DENND2A: variants seen among roughly 807,000 people sequenced by gnomAD.
DENND2A encodes the protein DENN domain-containing protein 2A.
In DENND2A, 53 loss-of-function variants were observed where a neutral mutation model predicts 105.3. The observed-to-expected ratio is 0.50, with a 90% CI of 0.40 to 0.63. The LOEUF (loss-of-function observed/expected upper bound fraction) is 0.63. DENND2A is among the 30% of genes least tolerant of loss of function. The pLI, the probability that DENND2A is intolerant of heterozygous loss-of-function variation, is 0.00. For synonymous variants in DENND2A, 522 were observed against 508.4 expected (o/e 1.03, Z -0.36); for missense variants, 1,138 against 1,279.6 (o/e 0.89, Z 1.69).
Position 140,568,909 on chromosome 7 carries a change from C to G in DENND2A, c.1541-96G>C, listed in dbSNP as rs1585654519. 3.9e-6 allele frequency: 5 copies of G among 1,279,692 alleles called. No individual in the cohort carries two copies. In the East Asian group the frequency reaches 1.2e-4, roughly 30 times the overall value. The allele number at this position is 1,279,692 out of a possible 1,614,324, so 79.3% of individuals were successfully genotyped here. ...GTAGCACAGATCAAATGTTCTAATT[C>G]AGAGGGGATGTTGAGTTGCCTCTTT... is the stretch of plus-strand genomic sequence containing the variant. On this transcript the variant is annotated intron_variant, in intron 7 of 19. Transcript: ENST00000496613.
In DENND2A at chr7:140,587,700, C is replaced by A. The variant is rs1798842317; in HGVS notation, c.1076G>T (p.Gly359Val). Residue 359 changes from glycine (G) to valine (V), a missense_variant, in exon 4 of 20, where the codon GGG becomes GTG. This residue lies in a region of DENND2A where 511 missense variants were observed against 499.9 expected (regional missense o/e 1.02). Transcript: ENST00000496613. ...CTCCTCCGATAAAGTGCGTGTCAGC[C>A]CCAGCTTAGTCTGCGCGTACCAGTC... ...RVDWYAQTKLGLTRTLSEENV... is the reference protein window; with the variant it reads ...RVDWYAQTKLVLTRTLSEENV... The A allele has an allele frequency of 6.2e-7, 1 of 1,613,898 alleles. No individual in the cohort carries two copies. The highest frequency in any genetic ancestry group is 8.5e-7 in the Non-Finnish European group (1 of 1,179,954).
At chr7:140,629,221 A>G (rs1434833414) in intron 1 of DENND2A, among the ~76,000 whole-genome samples, 1 of 152,204 alleles carries the variant, frequency 6.6e-6, no homozygotes, top group South Asian at 2.1e-4. Flanking sequence ...GAGCGCCATT[A>G]GAGACTGGGT....
At chr7:140,623,019 G>T (rs1800355114) in intron 1 of DENND2A, among the ~76,000 whole-genome samples, 4 of 152,242 alleles carry the variant, frequency 2.6e-5, no homozygotes, top group Non-Finnish European at 5.9e-5. Context: ...GCATTATGGA[G>T]GTCACAAGAG....
intron 18 of DENND2A, among the ~76,000 whole-genome samples, chr7:140,521,015 C>T (rs1396826479): frequency 4.6e-5 from 7 of 151,776 alleles, no homozygotes; most frequent in African/African-American, 1.7e-4. Flanking sequence ...GCTGGGATTA[C>T]AGGCGCACAC....
chr7:140,561,179 T>A (rs1044729506), intron 9 of DENND2A, among the ~76,000 whole-genome samples: 1 of 152,118 alleles, frequency 6.6e-6, no homozygotes, highest in African/African-American at 2.4e-5. Context: ...GCCAGAAATC[T>A]GTGCTTTTAA....
At chr7:140,577,337 T>C (rs1194032371) in intron 5 of DENND2A, among the ~76,000 whole-genome samples, 1 of 152,036 alleles carries the variant, frequency 6.6e-6, no homozygotes, top group Non-Finnish European at 1.5e-5. Context: ...CATCTAATTG[T>C]CTATTGAAGG....
intron 8 of DENND2A, among the ~76,000 whole-genome samples, chr7:140,568,055 C>T (rs1329266034): frequency 1.3e-5 from 2 of 152,228 alleles, no homozygotes; most frequent in African/African-American, 4.8e-5. Flanking sequence ...ATACTCCTCC[C>T]TCAGCCTCCT....
intron 1 of DENND2A, chr7:140,610,031 T>C (rs1268055878): frequency 6.6e-6 from 1 of 152,164 alleles, no homozygotes; most frequent in Non-Finnish European, 1.5e-5. Context: ...AGTGGTGTGA[T>C]GATGGCTCAC....
At chr7:140,593,052 AT>A (rs112026672) in intron 3 of DENND2A, among the ~76,000 whole-genome samples, 6,035 of 152,134 alleles carry the variant, frequency 0.04, 223 homozygotes, top group African/African-American at 0.1. Context: ...CTCTACAAAT[AT>A]TTTTTTTAAC....
intron 3 of DENND2A, among the ~76,000 whole-genome samples, chr7:140,594,331 C>T (rs1171401774): frequency 6.6e-6 from 1 of 152,210 alleles, no homozygotes; most frequent in Non-Finnish European, 1.5e-5. Flanking sequence ...CAGGCCTCAC[C>T]CCAGACCCTT....
In DENND2A at chr7:140,559,687, A is replaced by G. The variant is rs535556306; in HGVS notation, c.1889+21T>C. On this transcript the variant is annotated intron_variant, in intron 10 of 19. Coordinates refer to ENST00000496613, the MANE Select transcript of DENND2A (RefSeq NM_015689.5). This position sits in a 1 kb window ranked among gnomAD's most constrained non-coding sequence, Gnocchi z 4.1. ...CTCGCCTTAGTCTTTGGGGCTGCGA[A>G]GGGGAGAAGCCAGCTCGTACCTGGT... 1.3e-6 allele frequency: 2 copies of G among 1,586,328 alleles called. No individual in the cohort carries two copies. Among genetic ancestry groups the G allele is most frequent in the South Asian group, 2.2e-5 (2 of 90,284 alleles).
chr7:140,551,513 T>A (rs1019009543), intron 12 of DENND2A, among the ~76,000 whole-genome samples: 9 of 151,916 alleles, frequency 5.9e-5, no homozygotes, highest in Non-Finnish European at 1.3e-4. Flanking sequence ...ATGGGAGACA[T>A]GTGGACCAGG....
intron 14 of DENND2A, among the ~76,000 whole-genome samples, chr7:140,534,103 G>A (rs66783039): frequency 1.8e-5 from 1 of 57,068 alleles, no homozygotes; most frequent in Non-Finnish European, 3.4e-5. Context: ...TTTTTTTTTT[G>A]AGATGGAGTC....
At chr7:140,592,495 G>GCCA (rs1799099999) in intron 3 of DENND2A, among the ~76,000 whole-genome samples, 1 of 152,034 alleles carries the variant, frequency 6.6e-6, no homozygotes, top group South Asian at 2.1e-4. Context: ...ACAGGTGAGA[G>GCCA]CCACCACGCC....
intron 11 of DENND2A, among the ~76,000 whole-genome samples, chr7:140,556,630 G>A (rs1338562243): frequency 1.3e-5 from 2 of 152,196 alleles, no homozygotes; most frequent in Non-Finnish European, 2.9e-5. Flanking sequence ...GTGAGCCTGT[G>A]CCCGACCTCA....
chr7:140,567,287 GGAGAGAGAAAGAGAGAAAGAGA>G lies in DENND2A; in HGVS notation c.1592-36_1592-15del, dbSNP rs1797880617. 1 of 1,213,658 alleles carries G rather than the reference GGAGAGAGAAAGAGAGAAAGAGA, an allele frequency of 8.2e-7. No homozygotes were observed. Among genetic ancestry groups the G allele is most frequent in the African/African-American group, 1.8e-5 (1 of 54,588 alleles). 75.2% of individuals were successfully genotyped at this position (1,213,658 alleles called of 1,614,324 possible). A position where few individuals can be genotyped will look rare whatever the true frequency, so the allele number is the denominator to read the frequency against. ...GCTGGCTGTGAGCTGGGTGAGGGAGGGAGAGAGAAAGAGAGAAAGAGAGAGAGAGAGAGAGAGAGAGAGAGAG... is the reference window on the plus strand; with the variant it reads ...GCTGGCTGTGAGCTGGGTGAGGGAGGGAGAGAGAGAGAGAGAGAGAGAGAG... On this transcript the variant is annotated splice_polypyrimidine_tract_variant and intron_variant, in intron 8 of 19. Transcript: ENST00000496613.
chr7:140,518,594 C>A lies in DENND2A; in HGVS notation c.*113G>T, dbSNP rs1304487670. On this transcript the variant is annotated 3_prime_UTR_variant, in exon 20 of 20. Coordinates refer to ENST00000496613, the MANE Select transcript of DENND2A (RefSeq NM_015689.5). ...CAGCCTCGGCCAGAAGCCACCGCGG[C>A]CTCCAGTTCCGCACCGTGACAACCT... 9 of 1,123,968 alleles carry A rather than the reference C, an allele frequency of 8.0e-6. No homozygotes were observed. The highest frequency in any genetic ancestry group is 1.0e-5 in the Non-Finnish European group (8 of 777,894). The allele number at this position is 1,123,968 out of a possible 1,614,324, so 69.6% of individuals were successfully genotyped here. A position where few individuals can be genotyped will look rare whatever the true frequency, so the allele number is the denominator to read the frequency against.
At chr7:140,597,767 C>G (rs774636514) in intron 3 of DENND2A, among the ~76,000 whole-genome samples, 29 of 152,222 alleles carry the variant, frequency 1.9e-4, no homozygotes, top group Non-Finnish European at 3.8e-4. Context: ...GTGGGACCTC[C>G]TTGGAGGAAG....
At chr7:140,539,679 T>C (rs563807268) in intron 14 of DENND2A, among the ~76,000 whole-genome samples, 1 of 152,188 alleles carries the variant, frequency 6.6e-6, no homozygotes, top group South Asian at 2.1e-4. Flanking sequence ...GTAGGGGGCA[T>C]GAAATGACGC....
Sources: allele counts gnomAD v4.1 joint callset (sites outside exome capture counted in the v4.1 genomes callset), GRCh38; gene constraint gnomAD v4.1.1; regional missense constraint gnomAD v4.1.1; non-coding constraint Gnocchi (gnomAD v3.1); transcripts MANE v1.5; gene names NCBI Gene and HGNC (gene_info 2026-07-23, HGNC 2026-07-21).